DNAH5: variants seen among roughly 807,000 people sequenced by gnomAD.
DNAH5 encodes the protein axonemal beta dynein heavy chain 5.
A neutral mutation model predicts 518.2 loss-of-function variants in DNAH5; 372 were observed. The ratio of observed to expected loss-of-function variants is 0.72; its 90% CI spans 0.66 to 0.78. The LOEUF (loss-of-function observed/expected upper bound fraction) is 0.78. Among genes scored for constraint, DNAH5 ranks in the 30% least tolerant of loss-of-function variants. The pLI, the probability that DNAH5 is intolerant of heterozygous loss-of-function variation, is 0.00. For missense variants in DNAH5, 5,523 were observed against 5,687.0 expected (o/e 0.97, Z 0.93); for synonymous variants, 2,039 against 2,025.9 (o/e 1.01, Z -0.17).
chr5:13,835,681 C>G (rs1228346139), intron 35 of DNAH5, among the ~76,000 whole-genome samples: 1 of 152,162 alleles, frequency 6.6e-6, no homozygotes, highest in Non-Finnish European at 1.5e-5. Context: ...AAATCAGACA[C>G]CGCCTCCTCC....
intron 3 of DNAH5, among the ~76,000 whole-genome samples, chr5:13,924,685 A>C (rs1439220396): frequency 6.6e-6 from 1 of 152,166 alleles, no homozygotes; most frequent in East Asian, 1.9e-4. Flanking sequence ...CAAAAAAAAA[A>C]AAAAAAGAAT....
Position 13,866,233 on chromosome 5 carries a change from A to C in DNAH5, c.4103T>G (p.Leu1368Arg), listed in dbSNP as rs761218229. The C allele has an allele frequency of 1.9e-6, 3 of 1,613,716 alleles. No individual in the cohort carries two copies. ...GLKPQEASDR[L>R]IMFQNQFDNI... is the part of the protein sequence containing the mutation. Reference sequence around the variant, plus strand: ...TAAAAAGATTACCTGAAACATGATAAGCCTGTCACTGGCTTCCTGGGGCTT... The same window carrying C: ...TAAAAAGATTACCTGAAACATGATACGCCTGTCACTGGCTTCCTGGGGCTT... The change falls in exon 26 of 79, where the codon CTT becomes CGT. Residue 1368 changes from leucine (L) to arginine (R), a missense_variant. By Grantham distance (102) the Leu-to-Arg change is moderately radical (BLOSUM62 -2). This residue lies in a region of DNAH5 where 5,121 missense variants were observed against 5,223.3 expected (regional missense o/e 0.98). Transcript: ENST00000265104.
intron 8 of DNAH5, among the ~76,000 whole-genome samples, 182 bp downstream of exon 8, chr5:13,916,961 T>C (rs972974080): frequency 5.3e-5 from 8 of 152,198 alleles, no homozygotes; most frequent in Admixed American, 6.5e-5. Flanking sequence ...GAAATAGATA[T>C]AGAAATACAG....
chr5:13,877,179 C>T (rs999031341), intron 21 of DNAH5, among the ~76,000 whole-genome samples: 1 of 152,154 alleles, frequency 6.6e-6, no homozygotes, highest in Non-Finnish European at 1.5e-5. Flanking sequence ...TACCAGTAGC[C>T]TAGCAGTCCC....
chr5:13,705,002 T>C (rs1041838093), intron 76 of DNAH5, among the ~76,000 whole-genome samples: 1 of 151,926 alleles, frequency 6.6e-6, no homozygotes, highest in Non-Finnish European at 1.5e-5. Context: ...AATTTTTTTT[T>C]TTTTTCTGAG....
At chr5:13,817,413 C>T in intron 42 of DNAH5, 135 bp downstream of exon 42, 1 of 822,356 alleles carries the variant, frequency 1.2e-6, no homozygotes, top group South Asian at 1.8e-5. Flanking sequence ...TCACAAATAT[C>T]ACACTGATTT....
At position 13,901,486 on chromosome 5, in the gene DNAH5, C is replaced by T; in HGVS notation, c.1818G>A (p.Leu606=). The T allele has an allele frequency of 1.2e-6, 2 of 1,613,838 alleles. No homozygotes were observed. Among genetic ancestry groups the T allele is most frequent in the Non-Finnish European group, 1.7e-6 (2 of 1,179,986 alleles). ...GAGGATCGTATTTCTGCTTTGTATA[C>T]AGCTTTGAAATCATATCAATGTCAG... is the stretch of plus-strand genomic sequence containing the variant. ...YGADIDMISK[L]YTKQKYDPPL... Residue 606 remains leucine, a synonymous_variant, in exon 14 of 79, where the codon CTG becomes CTA. Transcript: ENST00000265104.
intron 11 of DNAH5, 36 bp downstream of exon 11, chr5:13,913,707 G>A (rs1170594320): frequency 1.2e-6 from 2 of 1,610,086 alleles, no homozygotes; most frequent in Non-Finnish European, 1.7e-6. Context: ...TTTAGTTGTG[G>A]ATTATGTTAT....
chr5:13,765,400 T>C (rs745986430), intron 59 of DNAH5, among the ~76,000 whole-genome samples: 4 of 152,190 alleles, frequency 2.6e-5, no homozygotes. Context: ...TACAATATTA[T>C]TTCACATATG....
rs768193413 is a variant in DNAH5, at chr5:13,839,351, A to C, written c.5882+5T>G. The C allele has an allele frequency of 1.2e-6, 2 of 1,613,876 alleles. No individual in the cohort carries two copies. The highest frequency in any genetic ancestry group is 1.1e-5 in the South Asian group (1 of 91,062). Reference sequence around the variant, plus strand: ...GGTGGGGGTTGGGGAGAAGGGTTCCATCACCTGTCTGTAAGTGGAGTTATT... The same window carrying C: ...GGTGGGGGTTGGGGAGAAGGGTTCCCTCACCTGTCTGTAAGTGGAGTTATT... On this transcript the variant is annotated splice_donor_5th_base_variant and intron_variant, in intron 35 of 78. Coordinates refer to ENST00000265104, the MANE Select transcript of DNAH5 (RefSeq NM_001369.3).
chr5:13,758,766 A>C, intron 61 of DNAH5, 80 bp downstream of exon 61: 2 of 1,602,246 alleles, frequency 1.2e-6, no homozygotes, highest in Non-Finnish European at 1.7e-6. Flanking sequence ...AATTCAGTGA[A>C]ACCCCACAAG....
chr5:13,928,081 C>G lies in DNAH5; in HGVS notation c.277+13G>C. On this transcript the variant is annotated intron_variant, in intron 3 of 78. Transcript: ENST00000265104. ...AACACATTTCTGGGTTATGTCACATCAAATTCAGATACCTGTTTCTGCTTC... is the reference window on the plus strand; with the variant it reads ...AACACATTTCTGGGTTATGTCACATGAAATTCAGATACCTGTTTCTGCTTC... The G allele has an allele frequency of 6.2e-7, 1 of 1,606,876 alleles. No homozygotes were observed. Among genetic ancestry groups the G allele is most frequent in the Non-Finnish European group, 8.5e-7 (1 of 1,173,492 alleles).
chr5:13,907,114 G>A (rs1372358860), intron 12 of DNAH5, among the ~76,000 whole-genome samples: 2 of 152,084 alleles, frequency 1.3e-5, no homozygotes, highest in East Asian at 1.9e-4. Context: ...AGTTCACACC[G>A]AGAGCATCTG....
chr5:13,694,599 T>C (rs1484029409), intron 78 of DNAH5, among the ~76,000 whole-genome samples: 1 of 152,198 alleles, frequency 6.6e-6, no homozygotes, highest in East Asian at 1.9e-4. Context: ...CAAAACACCT[T>C]GGGGGAATTT....
chr5:13,838,068 T>G (rs1221425293), intron 35 of DNAH5, among the ~76,000 whole-genome samples: 1 of 152,144 alleles, frequency 6.6e-6, no homozygotes, highest in African/African-American at 2.4e-5. Flanking sequence ...TGGGGCACAA[T>G]GTGATGTTAT....
chr5:13,741,842 T>G (rs1748594145), intron 65 of DNAH5, among the ~76,000 whole-genome samples: 1 of 152,150 alleles, frequency 6.6e-6, no homozygotes, highest in Admixed American at 6.6e-5. Context: ...CTTCAGCCAC[T>G]TGACATTTGC....
chr5:13,714,295 G>T, intron 75 of DNAH5, 110 bp downstream of exon 75: 1 of 1,207,252 alleles, frequency 8.3e-7, no homozygotes, highest in Non-Finnish European at 1.2e-6. Flanking sequence ...TTAAAAGAAT[G>T]TTTTTTAATT....
chr5:13,911,890 G>A (rs1235493967), intron 11 of DNAH5, among the ~76,000 whole-genome samples: 2 of 151,954 alleles, frequency 1.3e-5, no homozygotes, highest in African/African-American at 4.8e-5. Context: ...AATAAATAAG[G>A]CTTTCACAGA....
At chr5:13,818,827 T>A (rs530632193) in intron 41 of DNAH5, among the ~76,000 whole-genome samples, 1 of 152,212 alleles carries the variant, frequency 6.6e-6, no homozygotes, top group Non-Finnish European at 1.5e-5. Flanking sequence ...ATAATATGCA[T>A]CAGCCCTCCA....
Sources: allele counts gnomAD v4.1 joint callset (sites outside exome capture counted in the v4.1 genomes callset), GRCh38; gene constraint gnomAD v4.1.1; regional missense constraint gnomAD v4.1.1; transcripts MANE v1.5; gene names NCBI Gene and HGNC (gene_info 2026-07-23, HGNC 2026-07-21).